The following STPG2 variants were observed in gnomAD, a reference collection of about 807,000 sequenced individuals.
STPG2 encodes sperm tail PG-rich repeat containing 2.
STPG2 carries 56 observed loss-of-function variants against 54.2 expected under a neutral mutation model. The ratio of observed to expected loss-of-function variants is 1.03; its 90% CI spans 0.83 to 1.29. The LOEUF is 1.29. Among genes scored for constraint, STPG2 ranks in the 50% most tolerant of loss-of-function variants. The probability of loss-of-function intolerance (pLI) is 0.00; values close to 1 mark genes in which losing one functional copy is unlikely to be tolerated. For synonymous variants in STPG2, 200 were observed against 181.8 expected, an observed-to-expected ratio of 1.10 and a Z score of -0.81; for missense variants, 596 against 544.9, an observed-to-expected ratio of 1.09 and a Z score of -0.93.
At chr4:97,572,975 T>C (rs750535453) in intron 10 of STPG2, among the ~76,000 whole-genome samples, 21 of 152,170 alleles carry the variant, frequency 1.4e-4, no homozygotes, top group Non-Finnish European at 2.6e-4. Flanking sequence ...GAGTTAGGTA[T>C]TTTATCTTTA....
At chr4:97,912,555 A>T (rs1368810231) in intron 8 of STPG2, among the ~76,000 whole-genome samples, 1 of 152,226 alleles carries the variant, frequency 6.6e-6, no homozygotes, top group Non-Finnish European at 1.5e-5. Context: ...GACCAAGTGG[A>T]GGAAAGAATC....
intron 4 of STPG2, among the ~76,000 whole-genome samples, chr4:97,480,181 G>C (rs1294631540): frequency 6.6e-6 from 1 of 151,624 alleles, no homozygotes; most frequent in African/African-American, 2.4e-5. Flanking sequence ...TAATACATTT[G>C]ACAATATATA....
chr4:97,854,078 A>C (rs948735686), intron 8 of STPG2, among the ~76,000 whole-genome samples: 1 of 152,082 alleles, frequency 6.6e-6, no homozygotes, highest in African/African-American at 2.4e-5. Flanking sequence ...CTCCTGCCTT[A>C]GTTTGCCAAA....
intron 9 of STPG2, among the ~76,000 whole-genome samples, chr4:97,731,597 A>T (rs558788596): frequency 6.6e-6 from 1 of 152,248 alleles, no homozygotes; most frequent in South Asian, 2.1e-4. Flanking sequence ...TTTTGTCCCA[A>T]GCCTTCTGTG....
chr4:97,888,034 T>C (rs1324696797), intron 8 of STPG2, among the ~76,000 whole-genome samples: 1 of 151,938 alleles, frequency 6.6e-6, no homozygotes, highest in Non-Finnish European at 1.5e-5. Flanking sequence ...GTGCACAGAG[T>C]GCAAGAGTTG....
chr4:98,103,721 T>G (rs1046855616), intron 5 of STPG2, among the ~76,000 whole-genome samples: 36 of 152,042 alleles, frequency 2.4e-4, no homozygotes, highest in Admixed American at 2.2e-3. Context: ...TCTCTATCCT[T>G]GGTATCTAAA....
intron 5 of STPG2, among the ~76,000 whole-genome samples, chr4:98,031,082 T>C (rs1254201145): frequency 1.3e-5 from 2 of 152,020 alleles, no homozygotes; most frequent in Non-Finnish European, 1.5e-5. Flanking sequence ...TGGAACAGAA[T>C]AGAGAACCCA....
chr4:97,597,710 A>C (rs1733336213), intron 10 of STPG2, among the ~76,000 whole-genome samples: 1 of 152,144 alleles, frequency 6.6e-6, no homozygotes, highest in African/African-American at 2.4e-5. Context: ...CTCTCAACAA[A>C]TGAGGCATTG....
At position 97,509,632 on chromosome 4, in the gene STPG2, T is replaced by C. The variant is rs1268225899; in HGVS notation, c.462+203067A>G. On this transcript the variant is annotated intron_variant, in intron 4 of 4. Coordinates refer to the STPG2 transcript ENST00000522676. ...AACACTAGAAAGTTACTCACGGAAA[T>C]TGATTTTAAATAAAGACAAATATGC... Among the ~76,000 whole-genome samples the C allele has an allele frequency of 2.0e-5, 3 of 152,096 alleles. No homozygotes were observed. In the East Asian group the frequency reaches 5.8e-4, roughly 30 times the overall value.
At chr4:97,941,022 G>T (rs191806742) in intron 8 of STPG2, among the ~76,000 whole-genome samples, 1 of 152,112 alleles carries the variant, frequency 6.6e-6, no homozygotes, top group East Asian at 1.9e-4. Flanking sequence ...ACTATTGCAT[G>T]TCAGAAAATT....
chr4:97,914,420 C>T (rs1328678338), intron 8 of STPG2, among the ~76,000 whole-genome samples: 2 of 152,046 alleles, frequency 1.3e-5, no homozygotes, highest in African/African-American at 2.4e-5. Context: ...TTTTTTTTAA[C>T]TTTTTTTATT....
At chr4:97,585,132 A>G (rs943779269) in intron 10 of STPG2, among the ~76,000 whole-genome samples, 2 of 142,518 alleles carry the variant, frequency 1.4e-5, no homozygotes, top group African/African-American at 2.6e-5. Context: ...AAACAAAACT[A>G]CAAGTTAACA....
chr4:97,444,394 A>T (rs891975349), intron 4 of STPG2, among the ~76,000 whole-genome samples: 1 of 152,176 alleles, frequency 6.6e-6, no homozygotes, highest in Non-Finnish European at 1.5e-5. Context: ...AAAAGTTGTA[A>T]AAGCAGTCAG....
chr4:98,074,384 T>A (rs1464369129), intron 5 of STPG2, among the ~76,000 whole-genome samples: 1 of 152,228 alleles, frequency 6.6e-6, no homozygotes, highest in Admixed American at 6.5e-5. Flanking sequence ...TTAGCAATTT[T>A]AATATGTTGT....
At chr4:97,874,720 GC>G (rs929868696) in intron 8 of STPG2, among the ~76,000 whole-genome samples, 1 of 151,416 alleles carries the variant, frequency 6.6e-6, no homozygotes, top group Middle Eastern at 3.2e-3. Context: ...GACTCAATGT[GC>G]CCCCCCAAAA....
chr4:97,500,788 G>A (rs1730708235), intron 4 of STPG2, among the ~76,000 whole-genome samples: 1 of 152,014 alleles, frequency 6.6e-6, no homozygotes, highest in South Asian at 2.1e-4. Flanking sequence ...GCCACACGGT[G>A]ATTACTGTTG....
chr4:97,627,230 T>C (rs1476274708), intron 10 of STPG2, among the ~76,000 whole-genome samples: 1 of 152,108 alleles, frequency 6.6e-6, no homozygotes, highest in Admixed American at 6.6e-5. Context: ...TTGGAGAATT[T>C]AAGAACATTT....
intron 10 of STPG2, among the ~76,000 whole-genome samples, chr4:97,661,214 AG>A (rs1433281320): frequency 6.6e-6 from 1 of 152,184 alleles, no homozygotes; most frequent in East Asian, 1.9e-4. Context: ...CAAGAGAAAA[AG>A]TTACATATAG....
chr4:98,045,774 G>A (rs1737105844), intron 5 of STPG2, among the ~76,000 whole-genome samples: 1 of 151,906 alleles, frequency 6.6e-6, no homozygotes, highest in African/African-American at 2.4e-5. Context: ...TACACAAGTT[G>A]CTTTTCTCTA....
Sources: gnomAD v4.1 joint callset for allele counts (sites outside exome capture counted in the v4.1 genomes callset) on GRCh38, gnomAD v4.1.1 for gene constraint, MANE v1.5 for transcripts, NCBI Gene and HGNC (gene_info 2026-07-23, HGNC 2026-07-21) for gene names.